ZEB2: variants seen among roughly 807,000 people sequenced by gnomAD.
The protein encoded by ZEB2 is zinc finger E-box-binding homeobox 2.
A neutral mutation model predicts 99.9 loss-of-function variants in ZEB2; 6 were observed. The observed-to-expected ratio is 0.06, with a 90% CI of 0.03 to 0.12. The LOEUF is 0.12. Ranked by LOEUF, ZEB2 falls within the 10% of genes least tolerant of loss-of-function variation. The pLI is 1.00. For synonymous variants in ZEB2, 517 were observed against 542.5 expected, an observed-to-expected ratio of 0.95 and a Z score of 0.65; for missense variants, 969 against 1,502.8, an observed-to-expected ratio of 0.64 and a Z score of 5.87.
chr2:144,412,288 TC>T (rs765244395), intron 4 of ZEB2, among the ~76,000 whole-genome samples: 2 of 152,298 alleles, frequency 1.3e-5, no homozygotes, highest in South Asian at 4.1e-4. Context: ...AAAGAAAAAT[TC>T]CCAATATAGA....
chr2:144,458,721 T>A (rs1316697155), intron 2 of ZEB2, among the ~76,000 whole-genome samples: 2 of 152,188 alleles, frequency 1.3e-5, no homozygotes, highest in African/African-American at 4.8e-5. Context: ...TTATGCATAC[T>A]TTCACTTTGG....
chr2:144,436,073 C>G (rs186941421), intron 2 of ZEB2, among the ~76,000 whole-genome samples: 23 of 152,152 alleles, frequency 1.5e-4, no homozygotes, highest in African/African-American at 5.3e-4. Flanking sequence ...CAAACTCAAA[C>G]AGAGATTTTC....
chr2:144,455,475 A>G (rs1458496008), intron 2 of ZEB2, among the ~76,000 whole-genome samples: 3 of 152,146 alleles, frequency 2.0e-5, no homozygotes, highest in Non-Finnish European at 4.4e-5. Flanking sequence ...TAACCACACG[A>G]CTGATATTTG....
Position 144,388,903 on chromosome 2 carries a change from AT to A in ZEB2, c.*547del, listed in dbSNP as rs1340156886. 5 of 456,892 alleles carry A rather than the reference AT, an allele frequency of 1.1e-5. No individual in the cohort carries two copies. The highest frequency in any genetic ancestry group is 2.4e-5 in the Admixed American group (1 of 40,820). 28.3% of individuals were successfully genotyped at this position (456,892 alleles called of 1,614,324 possible). On this transcript the variant is annotated 3_prime_UTR_variant, in exon 10 of 10. Transcript: ENST00000627532. The surrounding 1 kb of genome is among the most constrained non-coding windows in gnomAD (Gnocchi z 5.4). ...AGTTCCTTCACAGAAAAAAAAAAAA[AT>A]TGAGGCCTAAAATTGTGTGGTTACT... is the stretch of plus-strand genomic sequence containing the variant.
intron 9 of ZEB2, among the ~76,000 whole-genome samples, chr2:144,395,508 T>TC (rs1282554049): frequency 1.2e-4 from 18 of 151,956 alleles, no homozygotes; most frequent in East Asian, 1.9e-4. Flanking sequence ...CCTACACTTT[T>TC]TCCCCCCCGA....
intron 2 of ZEB2, among the ~76,000 whole-genome samples, chr2:144,510,753 G>A (rs1573813549): frequency 6.6e-6 from 1 of 151,268 alleles, no homozygotes; most frequent in East Asian, 1.9e-4. Context: ...GGCTTTCTGT[G>A]GCAGAATGCA....
rs576152720 is a variant in ZEB2 at position 144,407,667 on chromosome 2, G to A, written c.404-2643C>T. Among the ~76,000 whole-genome samples, 376 of 152,314 alleles carry A rather than the reference G, an allele frequency of 2.5e-3. 1 individual carries two copies. Among genetic ancestry groups the A allele is most frequent in the African/African-American group, 8.6e-3 (359 of 41,582 alleles). On this transcript the variant is annotated intron_variant, in intron 4 of 9. Transcript: ENST00000627532. ...AACTTCACTGATTTTATCAGTGACT[G>A]ACTTCTTTTTCAGTACTATGACAGC...
At position 144,404,087 on chromosome 2, in the gene ZEB2, G is replaced by T; in HGVS notation, c.636C>A (p.Thr212=). ...GTPDAFAQLL[T]CPYCDRGYKR... Reference sequence around the variant, plus strand: ...TGTAGCCCCGGTCGCAGTAGGGGCAGGTCAGCAGTTGGGCAAAAGCATCTG... The same window carrying T: ...TGTAGCCCCGGTCGCAGTAGGGGCATGTCAGCAGTTGGGCAAAAGCATCTG... The change falls in exon 6 of 10, where the codon ACC becomes ACA. Residue 212 remains threonine, a synonymous_variant. Coordinates refer to ENST00000627532, the MANE Select transcript of ZEB2 (RefSeq NM_014795.4). The T allele has an allele frequency of 6.2e-7, 1 of 1,614,144 alleles. No individual in the cohort carries two copies. The highest frequency in any genetic ancestry group is 8.5e-7 in the Non-Finnish European group (1 of 1,180,034).
In ZEB2 at chr2:144,399,486, A is replaced by G. The variant is rs2149877114; in HGVS notation, c.1701T>C (p.Thr567=). The G allele has an allele frequency of 1.9e-6, 3 of 1,614,198 alleles. No individual in the cohort carries two copies. The highest frequency in any genetic ancestry group is 2.5e-6 in the Non-Finnish European group (3 of 1,180,020). The part of the protein sequence containing the change: ...EKLRTLIDLV[T]DDKMIENHNI... ...TGTGGTTCTCAATCATTTTGTCATCAGTGACCAAATCTATTAAAGTACGTA... is the reference window on the plus strand; with the variant it reads ...TGTGGTTCTCAATCATTTTGTCATCGGTGACCAAATCTATTAAAGTACGTA... The change falls in exon 8 of 10, where the codon ACT becomes ACC. Residue 567 remains threonine, a synonymous_variant. Transcript: ENST00000627532. This position sits in a 1 kb window ranked among gnomAD's most constrained non-coding sequence, Gnocchi z 5.6.
At chr2:144,517,895 C>T in intron 1 of ZEB2, 1 of 482,954 alleles carries the variant, frequency 2.1e-6, no homozygotes, top group South Asian at 2.7e-5. Flanking sequence ...CTGGATGAAG[C>T]ACACTCGGGC....
intron 2 of ZEB2, chr2:144,450,436 AT>A (rs974135679): frequency 6.6e-6 from 1 of 152,204 alleles, no homozygotes; most frequent in African/African-American, 2.4e-5. Flanking sequence ...ATAAAAATAA[AT>A]TATCTGACTA....
chr2:144,433,834 T>C (rs1703804069), intron 2 of ZEB2, among the ~76,000 whole-genome samples: 1 of 152,216 alleles, frequency 6.6e-6, no homozygotes, highest in African/African-American at 2.4e-5. Flanking sequence ...CAGATTTTTG[T>C]GTTCTGGTGA....
intron 2 of ZEB2, among the ~76,000 whole-genome samples, chr2:144,508,907 T>C (rs1193477109): frequency 2.6e-5 from 4 of 152,056 alleles, no homozygotes; most frequent in Admixed American, 6.5e-5. Flanking sequence ...GAAATGAAAA[T>C]AGCTTTTCTA....
chr2:144,400,531 A>T (rs986809307), intron 7 of ZEB2, among the ~76,000 whole-genome samples: 8 of 152,234 alleles, frequency 5.3e-5, no homozygotes, highest in African/African-American at 1.9e-4. Context: ...CTTGTCTGCC[A>T]TCGGCAGCCT....
At position 144,416,606 on chromosome 2, in the gene ZEB2, T is replaced by C. The variant is rs140224235; in HGVS notation, c.403+8190A>G. Among the ~76,000 whole-genome samples the C allele has an allele frequency of 4.6e-5, 7 of 152,338 alleles. No individual in the cohort carries two copies. The East Asian group carries it at 1.2e-3, about 25-fold the overall frequency. On this transcript the variant is annotated intron_variant, in intron 4 of 9. Transcript: ENST00000627532. ...ACTACATTCTCTCCTATCATCATTC[T>C]GTCTTCTTCTTCTGATCTTACTGCT...
chr2:144,396,399 A>T lies in ZEB2; in HGVS notation c.3067+13T>A, dbSNP rs765363941. 3.1e-6 allele frequency: 5 copies of T among 1,612,608 alleles called. No individual in the cohort carries two copies. The South Asian group carries it at 4.4e-5, about 14-fold the overall frequency. On this transcript the variant is annotated intron_variant, in intron 9 of 9. Transcript: ENST00000627532. ...ACGGGAAGCTCTAACCAGTTAGGCA[A>T]AGTCACTCATACCTGTGTGTTCGTA...
intron 2 of ZEB2, among the ~76,000 whole-genome samples, chr2:144,439,931 C>T (rs921522871): frequency 6.6e-6 from 1 of 152,146 alleles, no homozygotes; most frequent in African/African-American, 2.4e-5. Context: ...CTTTGAAATG[C>T]TGAATGTCTT....
Position 144,388,866 on chromosome 2 carries a change from T to G in ZEB2, c.*585A>C. ...GACTTCGGTATCTTAAATTCACACA[T>G]GCATCACTTCAAGTTCCTTCACAGA... On this transcript the variant is annotated 3_prime_UTR_variant, in exon 10 of 10. Coordinates refer to ENST00000627532, the MANE Select transcript of ZEB2 (RefSeq NM_014795.4). The surrounding 1 kb of genome is among the most constrained non-coding windows in gnomAD (Gnocchi z 5.4). The G allele has an allele frequency of 2.2e-6, 1 of 459,128 alleles. No homozygotes were observed. Among genetic ancestry groups the G allele is most frequent in the Non-Finnish European group, 4.5e-6 (1 of 223,724 alleles). 28.4% of individuals were successfully genotyped at this position (459,128 alleles called of 1,614,324 possible).
intron 9 of ZEB2, among the ~76,000 whole-genome samples, chr2:144,392,931 A>G (rs1378869582): frequency 1.3e-5 from 2 of 152,222 alleles, no homozygotes; most frequent in African/African-American, 4.8e-5. Context: ...AAATTACCAT[A>G]TAACTGAGAA....
Sources: gnomAD v4.1 joint callset for allele counts (sites outside exome capture counted in the v4.1 genomes callset) on GRCh38, gnomAD v4.1.1 for gene constraint, Gnocchi (gnomAD v3.1) non-coding constraint, MANE v1.5 for transcripts, NCBI Gene and HGNC (gene_info 2026-07-23, HGNC 2026-07-21) for gene names.